FGGY: variants seen among roughly 807,000 people sequenced by gnomAD.
The protein encoded by FGGY is FGGY carbohydrate kinase domain-containing protein.
FGGY carries 72 observed loss-of-function variants against 71.3 expected under a neutral mutation model. The ratio of observed to expected loss-of-function variants is 1.01; its 90% CI spans 0.84 to 1.23. The LOEUF (loss-of-function observed/expected upper bound fraction) is 1.23, where lower values mean the gene tolerates loss of function less well. Among genes scored for constraint, FGGY ranks in the 50% most tolerant of loss-of-function variants. The probability of loss-of-function intolerance (pLI) is 0.00; values close to 1 mark genes in which losing one functional copy is unlikely to be tolerated. For missense variants in FGGY, 668 were observed against 682.3 expected, an observed-to-expected ratio of 0.98 and a Z score of 0.23; for synonymous variants, 251 against 250.3, an observed-to-expected ratio of 1.00 and a Z score of -0.02.
At chr1:59,586,728 G>A (rs1481861139) in intron 8 of FGGY, among the ~76,000 whole-genome samples, 5 of 152,154 alleles carry the variant, frequency 3.3e-5, no homozygotes, top group African/African-American at 1.2e-4. Flanking sequence ...AAGTGGTAGA[G>A]AGGGGGATTT....
At chr1:59,447,792 G>C (rs1357986061) in intron 5 of FGGY, among the ~76,000 whole-genome samples, 1 of 152,154 alleles carries the variant, frequency 6.6e-6, no homozygotes, top group Non-Finnish European at 1.5e-5. Context: ...GGAACCATGA[G>C]TTTATTAAAC....
At chr1:59,551,566 G>A (rs1421421301) in intron 7 of FGGY, among the ~76,000 whole-genome samples, 2 of 152,104 alleles carry the variant, frequency 1.3e-5, no homozygotes, top group African/African-American at 4.8e-5. Context: ...ATTTTGAGAT[G>A]TACAGATAAG....
At chr1:59,532,528 A>G (rs1205577880) in intron 7 of FGGY, among the ~76,000 whole-genome samples, 3 of 152,216 alleles carry the variant, frequency 2.0e-5, no homozygotes, top group Non-Finnish European at 2.9e-5. Flanking sequence ...TGAATAATCA[A>G]TTAATGCAAT....
chr1:59,382,044 C>A (rs978603731), intron 5 of FGGY, among the ~76,000 whole-genome samples: 2 of 152,116 alleles, frequency 1.3e-5, no homozygotes, highest in African/African-American at 4.8e-5. Context: ...CAGGTCTTCT[C>A]ATCTTGAAAA....
intron 7 of FGGY, among the ~76,000 whole-genome samples, chr1:59,540,580 T>A (rs1370677534): frequency 6.6e-6 from 1 of 152,186 alleles, no homozygotes; most frequent in East Asian, 1.9e-4. Flanking sequence ...GGACATGAGG[T>A]TTATTTCTTG....
intron 5 of FGGY, among the ~76,000 whole-genome samples, chr1:59,387,519 G>A (rs1236474591): frequency 1.3e-5 from 2 of 151,966 alleles, no homozygotes; most frequent in African/African-American, 2.4e-5. Context: ...TTTCAATGAT[G>A]TTTATGTCAA....
chr1:59,664,190 C>T (rs915247412), intron 12 of FGGY, among the ~76,000 whole-genome samples: 2 of 152,178 alleles, frequency 1.3e-5, no homozygotes, highest in African/African-American at 4.8e-5. Flanking sequence ...AGTGGAATAG[C>T]CTAATTTTAA....
intron 14 of FGGY, among the ~76,000 whole-genome samples, chr1:59,677,604 A>G (rs1388799453): frequency 6.6e-6 from 1 of 152,092 alleles, no homozygotes; most frequent in Non-Finnish European, 1.5e-5. Context: ...AGAGTCCTAT[A>G]CCTTTCTTGG....
intron 1 of FGGY, among the ~76,000 whole-genome samples, chr1:59,298,912 A>C (rs1242714704): frequency 6.6e-6 from 1 of 152,244 alleles, no homozygotes; most frequent in Non-Finnish European, 1.5e-5. Context: ...TCTTGTCCAC[A>C]TACTTTGGGC....
At chr1:59,378,413 G>A (rs1229931687) in intron 4 of FGGY, among the ~76,000 whole-genome samples, 3 of 152,046 alleles carry the variant, frequency 2.0e-5, no homozygotes, top group Non-Finnish European at 4.4e-5. Context: ...GAAACTGTGA[G>A]TCCATTAAAC....
At chr1:59,334,529 T>C (rs1225414515) in intron 2 of FGGY, among the ~76,000 whole-genome samples, 3 of 152,240 alleles carry the variant, frequency 2.0e-5, no homozygotes, top group Non-Finnish European at 4.4e-5. Flanking sequence ...GTCAAACATA[T>C]GGCACATAGT....
At chr1:59,748,632 T>C (rs139194824) in intron 14 of FGGY, among the ~76,000 whole-genome samples, 3 of 152,266 alleles carry the variant, frequency 2.0e-5, no homozygotes, top group African/African-American at 7.2e-5. Context: ...CCTATGACAT[T>C]TGAGTTTTAT....
At chr1:59,694,482 G>A (rs2097637178) in intron 14 of FGGY, among the ~76,000 whole-genome samples, 1 of 151,966 alleles carries the variant, frequency 6.6e-6, no homozygotes, top group African/African-American at 2.4e-5. Flanking sequence ...TGCCCAGTAT[G>A]CATGCCTGCT....
chr1:59,435,816 G>T (rs2068341626), intron 5 of FGGY, among the ~76,000 whole-genome samples: 1 of 150,886 alleles, frequency 6.6e-6, no homozygotes, highest in Non-Finnish European at 1.5e-5. Flanking sequence ...TTGACTGTAA[G>T]CTCCAGGAGT....
chr1:59,548,868 AT>A (rs2095565889), intron 7 of FGGY, among the ~76,000 whole-genome samples: 3 of 152,188 alleles, frequency 2.0e-5, no homozygotes, highest in Admixed American at 6.5e-5. Context: ...AACATATATA[AT>A]TTTTATAATC....
intron 5 of FGGY, among the ~76,000 whole-genome samples, chr1:59,429,240 A>G (rs1420659642): frequency 2.0e-5 from 3 of 146,644 alleles, no homozygotes; most frequent in Non-Finnish European, 4.5e-5. Context: ...GTTAATTTCA[A>G]TAATTCTGGT....
At chr1:59,573,513 ATG>A (rs2096024375) in intron 8 of FGGY, among the ~76,000 whole-genome samples, 1 of 152,144 alleles carries the variant, frequency 6.6e-6, no homozygotes, top group Non-Finnish European at 1.5e-5. Context: ...TATGAACAAT[ATG>A]TGAACAATAT....
intron 1 of FGGY, among the ~76,000 whole-genome samples, chr1:59,304,938 T>G (rs376588417): frequency 4.8e-4 from 73 of 152,274 alleles, no homozygotes; most frequent in African/African-American, 1.6e-3. Context: ...TTGATTTAAT[T>G]TATTAGTTCT....
intron 8 of FGGY, among the ~76,000 whole-genome samples, chr1:59,597,158 T>C (rs2096532684): frequency 6.6e-6 from 1 of 152,174 alleles, no homozygotes; most frequent in African/African-American, 2.4e-5. Context: ...ATTCTTCAGG[T>C]CTAGACTTGT....
Sources: gnomAD v4.1 joint callset for allele counts (sites outside exome capture counted in the v4.1 genomes callset) on GRCh38, gnomAD v4.1.1 for gene constraint, MANE v1.5 for transcripts, NCBI Gene and HGNC (gene_info 2026-07-23, HGNC 2026-07-21) for gene names.